The following GRAMD1B variants were observed in gnomAD, a reference collection of about 807,000 sequenced individuals.
The protein encoded by GRAMD1B is GRAM domain containing 1B, also known as protein Aster-B.
In GRAMD1B, 37 loss-of-function variants were observed where a neutral mutation model predicts 99.7. The observed-to-expected ratio is 0.37, with a 90% CI of 0.29 to 0.49. GRAMD1B has a LOEUF of 0.49. GRAMD1B is among the 20% of genes least tolerant of loss of function. GRAMD1B has a pLI of 0.98. For missense variants in GRAMD1B, 888 were observed against 1,009.2 expected, an observed-to-expected ratio of 0.88 and a Z score of 1.63; for synonymous variants, 427 against 387.6, an observed-to-expected ratio of 1.10 and a Z score of -1.19.
intron 1 of GRAMD1B, among the ~76,000 whole-genome samples, chr11:123,362,572 A>G (rs1946181060): frequency 6.6e-6 from 1 of 152,186 alleles, no homozygotes; most frequent in Non-Finnish European, 1.5e-5. Context: ...ACAAAAACAC[A>G]AGACCAGTGA....
rs1220398165 is a variant in GRAMD1B at position 123,548,349 on chromosome 11, C to T, written c.453-29018C>T. Among the ~76,000 whole-genome samples, 992 of 107,458 alleles carry T rather than the reference C, an allele frequency of 9.2e-3. 20 individuals are homozygous for T. Among genetic ancestry groups the T allele is most frequent in the African/African-American group, 0.027 (589 of 21,836 alleles). The allele number at this position is 107,458 out of a possible 152,430, so 70.5% of individuals were successfully genotyped here. A position where few individuals can be genotyped will look rare whatever the true frequency, so the allele number is the denominator to read the frequency against. On this transcript the variant is annotated intron_variant, in intron 2 of 19. Transcript: ENST00000635736. ...ATACACACACACACACACACACACACATATATATATATATGTACACACACA... is the reference window on the plus strand; with the variant it reads ...ATACACACACACACACACACACACATATATATATATATATGTACACACACA...
intron 2 of GRAMD1B, among the ~76,000 whole-genome samples, chr11:123,540,910 CT>C (rs2135701003): frequency 6.6e-6 from 1 of 152,062 alleles, no homozygotes; most frequent in Non-Finnish European, 1.5e-5. Context: ...TGACATTGAG[CT>C]TATCTGTAGT....
At chr11:123,487,346 C>T (rs1937939039) in intron 2 of GRAMD1B, among the ~76,000 whole-genome samples, 1 of 152,144 alleles carries the variant, frequency 6.6e-6, no homozygotes, top group African/African-American at 2.4e-5. Context: ...GAGTAGGAGT[C>T]TGTCACATGG....
chr11:123,596,081 C>G, intron 7 of GRAMD1B, 44 bp downstream of exon 7: 1 of 1,012,968 alleles, frequency 9.9e-7, no homozygotes, highest in Non-Finnish European at 1.5e-6. Flanking sequence ...TCCCTTACTC[C>G]TCCTACTCTT....
chr11:123,611,732 G>C (rs892388677), intron 14 of GRAMD1B, among the ~76,000 whole-genome samples: 2 of 152,178 alleles, frequency 1.3e-5, no homozygotes, highest in Admixed American at 6.5e-5. Context: ...CCACGATGCA[G>C]TCAGCGGTTG....
chr11:123,606,711 G>A lies in GRAMD1B; in HGVS notation c.1426G>A (p.Ala476Thr), dbSNP rs776432140. Residue 476 changes from alanine to threonine, a missense_variant, in exon 11 of 20, where the codon GCT becomes ACT. This residue lies in a region of GRAMD1B where 269 missense variants were observed against 296.6 expected (regional missense o/e 0.91). Transcript: ENST00000635736. ...CATGGGGGAGAAGATTGAGATGATCGCTCCTGTGAACTCCCCTTCACTGGA... is the reference window on the plus strand; with the variant it reads ...CATGGGGGAGAAGATTGAGATGATCACTCCTGTGAACTCCCCTTCACTGGA... Reference protein sequence around the residue: ...NIMGEKIEMIAPVNSPSLDFN... With the variant: ...NIMGEKIEMITPVNSPSLDFN... The A allele has an allele frequency of 3.7e-6, 6 of 1,613,442 alleles. No homozygotes were observed. Among genetic ancestry groups the A allele is most frequent in the South Asian group, 3.3e-5 (3 of 90,958 alleles).
intron 19 of GRAMD1B, among the ~76,000 whole-genome samples, chr11:123,621,886 T>TTCTTTCTTTTTTTC (rs1273975191): frequency 1.6e-5 from 1 of 61,962 alleles, no homozygotes; most frequent in Non-Finnish European, 3.5e-5. Context: ...TTCTTTTTCT[T>TTCTTTCTTTTTTTC]TCTTTCTTTC....
intron 2 of GRAMD1B, among the ~76,000 whole-genome samples, chr11:123,548,291 A>AATATATATATATATAT (rs139996126): frequency 5.7e-4 from 43 of 75,136 alleles, no homozygotes; most frequent in East Asian, 8.9e-4. Flanking sequence ...GCTGTGCCAA[A>AATATATATATATATAT]ATATATATAT....
At chr11:123,596,132 A>T in intron 7 of GRAMD1B, 95 bp downstream of exon 7, 1 of 710,826 alleles carries the variant, frequency 1.4e-6, no homozygotes, top group South Asian at 1.8e-5. Context: ...TGTGGAAGCC[A>T]ATAGGATTGG....
At chr11:123,473,063 A>G (rs1951091834) in intron 1 of GRAMD1B, among the ~76,000 whole-genome samples, 1 of 151,746 alleles carries the variant, frequency 6.6e-6, no homozygotes, top group Non-Finnish European at 1.5e-5. Context: ...TGCCTAAATA[A>G]TTTCTTCTTT....
chr11:123,402,122 T>C (rs1166330129), intron 1 of GRAMD1B, among the ~76,000 whole-genome samples: 2 of 152,152 alleles, frequency 1.3e-5, no homozygotes, highest in Non-Finnish European at 2.9e-5. Context: ...TTCAAGCGAT[T>C]CTCCTGCCTC....
rs10893053 is a variant in GRAMD1B at position 123,610,273 on chromosome 11, T to C, written c.1854T>C (p.His618=). The C allele has an allele frequency of 0.32, 508,639 of 1,613,334 alleles. 83,966 individuals carry two copies. The highest frequency in any genetic ancestry group is 0.42 in the South Asian group (37,813 of 91,064). Reference sequence around the variant, plus strand: ...TCCTCACCCACGACGTGCCCTACCATGACTACTTCTACACAATCAATCGCT... The same window carrying C: ...TCCTCACCCACGACGTGCCCTACCACGACTACTTCTACACAATCAATCGCT... ...AEVLTHDVPY[H]DYFYTINRYT... is the part of the protein sequence containing the mutation. Residue 618 remains histidine, a synonymous_variant, in exon 14 of 20, where the codon CAT becomes CAC. Transcript: ENST00000635736. This position sits in a 1 kb window ranked among gnomAD's most constrained non-coding sequence, Gnocchi z 4.1.
chr11:123,506,852 A>G (rs577133359), intron 2 of GRAMD1B, among the ~76,000 whole-genome samples: 1 of 151,298 alleles, frequency 6.6e-6, no homozygotes, highest in South Asian at 2.1e-4. Context: ...GCCCAGCCCC[A>G]CTGTTCCCTG....
intron 1 of GRAMD1B, among the ~76,000 whole-genome samples, chr11:123,479,438 A>G (rs1013153168): frequency 2.0e-5 from 3 of 152,204 alleles, no homozygotes; most frequent in Admixed American, 1.3e-4. Flanking sequence ...AATATACTCT[A>G]TAGAGACCAA....
intron 1 of GRAMD1B, among the ~76,000 whole-genome samples, chr11:123,386,791 C>T (rs1182511046): frequency 6.6e-6 from 1 of 152,214 alleles, no homozygotes; most frequent in Admixed American, 6.5e-5. Context: ...GCTGCCCAGT[C>T]CCCACTGGCC....
intron 2 of GRAMD1B, among the ~76,000 whole-genome samples, chr11:123,564,971 T>C (rs1947183054): frequency 1.3e-5 from 2 of 152,374 alleles, no homozygotes; most frequent in South Asian, 4.1e-4. Context: ...GGTGGGATTG[T>C]ACTTAAGAGT....
At chr11:123,455,141 A>T (rs1229983137) in intron 1 of GRAMD1B, among the ~76,000 whole-genome samples, 1 of 152,232 alleles carries the variant, frequency 6.6e-6, no homozygotes, top group Admixed American at 6.5e-5. Context: ...GAAATTGAAC[A>T]TTTAAGTCTA....
chr11:123,541,874 A>G (rs1944572609), intron 2 of GRAMD1B, among the ~76,000 whole-genome samples: 1 of 152,176 alleles, frequency 6.6e-6, no homozygotes, highest in Non-Finnish European at 1.5e-5. Flanking sequence ...ACATTAGTAC[A>G]CCTTGATATA....
At chr11:123,563,763 A>G (rs779925135) in intron 2 of GRAMD1B, among the ~76,000 whole-genome samples, 22 of 152,246 alleles carry the variant, frequency 1.4e-4, no homozygotes, top group Admixed American at 7.2e-4. Flanking sequence ...TTTTCTTTTT[A>G]AAATCATAAA....
Sources: allele counts gnomAD v4.1 joint callset (sites outside exome capture counted in the v4.1 genomes callset), GRCh38; gene constraint gnomAD v4.1.1; regional missense constraint gnomAD v4.1.1; non-coding constraint Gnocchi (gnomAD v3.1); transcripts MANE v1.5; gene names NCBI Gene and HGNC (gene_info 2026-07-23, HGNC 2026-07-21).